CXADR: variants seen among roughly 807,000 people sequenced by gnomAD.
The protein encoded by CXADR is CXADR cell adhesion molecule, also known as coxsackievirus and adenovirus receptor.
A neutral mutation model predicts 40.3 loss-of-function variants in CXADR; 20 were observed. That is an observed-to-expected ratio of 0.50 (90% CI 0.35 to 0.72). The LOEUF is 0.72. Among genes scored for constraint, CXADR ranks in the 30% least tolerant of loss-of-function variants. The probability of loss-of-function intolerance (pLI) is 0.01; values close to 1 mark genes in which losing one functional copy is unlikely to be tolerated. For missense variants in CXADR, 332 were observed against 449.1 expected (o/e 0.74, Z 2.36); for synonymous variants, 150 against 161.3 (o/e 0.93, Z 0.53).
At chr21:17,562,713 G>A (rs528836061) in intron 6 of CXADR, among the ~76,000 whole-genome samples, 3 of 152,124 alleles carry the variant, frequency 2.0e-5, no homozygotes, top group Non-Finnish European at 4.4e-5. Context: ...CTTCATCAAC[G>A]ATCTTTTAAC....
At chr21:17,539,641 A>C (rs2038762930) in intron 1 of CXADR, among the ~76,000 whole-genome samples, 1 of 152,218 alleles carries the variant, frequency 6.6e-6, no homozygotes, top group Non-Finnish European at 1.5e-5. Flanking sequence ...AGCCCTTTGC[A>C]TAATGCTTGA....
chr21:17,575,303 C>A (rs1032983946), intron 7 of CXADR, among the ~76,000 whole-genome samples: 2 of 151,950 alleles, frequency 1.3e-5, no homozygotes, highest in East Asian at 1.9e-4. Context: ...CCTGCCTCAG[C>A]CTCTCAAGTA....
intron 7 of CXADR, among the ~76,000 whole-genome samples, chr21:17,589,916 T>C (rs1367952395): frequency 6.6e-6 from 1 of 152,102 alleles, no homozygotes; most frequent in African/African-American, 2.4e-5. Flanking sequence ...TTGGGCATTA[T>C]TAATTTTGAT....
At chr21:17,617,980 T>A in the CXADR span, among the ~76,000 whole-genome samples, 1 of 152,242 alleles carries the variant, frequency 6.6e-6, no homozygotes, top group African/African-American at 2.4e-5. Context: ...TCACTAAGTT[T>A]ATGTAATATT....
chr21:17,555,753 TAAA>T (rs1464331887), intron 3 of CXADR, among the ~76,000 whole-genome samples: 1 of 152,192 alleles, frequency 6.6e-6, no homozygotes, highest in East Asian at 1.9e-4. Context: ...CCTCTATAAT[TAAA>T]AAATGTCTTG....
intron 6 of CXADR, among the ~76,000 whole-genome samples, chr21:17,564,993 C>T (rs774599360): frequency 1.3e-5 from 2 of 152,136 alleles, no homozygotes; most frequent in Admixed American, 6.5e-5. Context: ...CCTCAGCTTC[C>T]CAAAGTGCTG....
the CXADR span, chr21:17,613,301 T>A: frequency 5.3e-5 from 8 of 152,376 alleles, no homozygotes; most frequent in African/African-American, 1.9e-4. Context: ...ACGCTGCACT[T>A]GACACCCTCA....
intron 1 of CXADR, among the ~76,000 whole-genome samples, chr21:17,519,990 C>CA (rs1220438473): frequency 2.6e-5 from 4 of 151,834 alleles, no homozygotes; most frequent in African/African-American, 9.7e-5. Flanking sequence ...CACACACACA[C>CA]ACGCACGCAC....
chr21:17,605,249 A>G, the CXADR span: 1 of 314,284 alleles, frequency 3.2e-6, no homozygotes, highest in African/African-American at 2.1e-5. Flanking sequence ...GTCTACCCAG[A>G]GACTTGACCA....
intron 1 of CXADR, among the ~76,000 whole-genome samples, chr21:17,529,971 T>C (rs1193614306): frequency 5.3e-5 from 8 of 151,526 alleles, no homozygotes; most frequent in Non-Finnish European, 8.8e-5. Context: ...TAATTTGAGA[T>C]GGAGTCTCGC....
chr21:17,611,472 CTTTTG>C, the CXADR span, among the ~76,000 whole-genome samples: 1 of 152,262 alleles, frequency 6.6e-6, no homozygotes, highest in Middle Eastern at 3.4e-3. Context: ...CTCATTTGGA[CTTTTG>C]TTTTCCCCGT....
intron 7 of CXADR, among the ~76,000 whole-genome samples, chr21:17,588,179 CT>C (rs2061410980): frequency 6.6e-6 from 1 of 152,142 alleles, no homozygotes; most frequent in South Asian, 2.1e-4. Context: ...ATGCCTCCAG[CT>C]TTGTTCTTTT....
intron 7 of CXADR, among the ~76,000 whole-genome samples, chr21:17,583,261 T>A (rs533812799): frequency 6.6e-6 from 1 of 152,204 alleles, no homozygotes; most frequent in Non-Finnish European, 1.5e-5. Context: ...GCTTTATGAA[T>A]GTATGTATAT....
downstream of CXADR, among the ~76,000 whole-genome samples, chr21:17,572,543 A>G (rs1691327): frequency 0.88 from 133,552 of 152,146 alleles, 59,570 homozygotes; most frequent in Non-Finnish European, 0.96. Flanking sequence ...TCAGAAATAT[A>G]TTTCTAAAGC....
chr21:17,579,413 T>C (rs1465953371), intron 7 of CXADR, among the ~76,000 whole-genome samples: 1 of 151,932 alleles, frequency 6.6e-6, no homozygotes, highest in Non-Finnish European at 1.5e-5. Context: ...GCCTCCCGAG[T>C]AGCTGGGACT....
chr21:17,555,799 A>G (rs2061027118), intron 3 of CXADR, among the ~76,000 whole-genome samples: 1 of 152,120 alleles, frequency 6.6e-6, no homozygotes, highest in South Asian at 2.1e-4. Context: ...CAGATATGTT[A>G]TTTCTTATTT....
At chr21:17,619,094 G>C in the CXADR span, among the ~76,000 whole-genome samples, 1 of 152,194 alleles carries the variant, frequency 6.6e-6, no homozygotes, top group South Asian at 2.1e-4. Flanking sequence ...CTGTCATCTA[G>C]GCTTTGTTGT....
the CXADR span, among the ~76,000 whole-genome samples, chr21:17,631,663 A>G: frequency 6.6e-6 from 1 of 152,234 alleles, no homozygotes; most frequent in African/African-American, 2.4e-5. Flanking sequence ...GGTGAGATTA[A>G]CATGACAGTA....
At chr21:17,599,500 G>A in the CXADR span, among the ~76,000 whole-genome samples, 4 of 117,150 alleles carry the variant, frequency 3.4e-5, no homozygotes, top group Admixed American at 9.0e-5. Flanking sequence ...TTTTTGAGAC[G>A]GAGTCTCACT....
Sources: allele counts gnomAD v4.1 joint callset (sites outside exome capture counted in the v4.1 genomes callset), GRCh38; gene constraint gnomAD v4.1.1; transcripts MANE v1.5; gene names NCBI Gene and HGNC (gene_info 2026-07-23, HGNC 2026-07-21).